The following CASZ1 variants were observed in gnomAD, a reference collection of about 807,000 sequenced individuals.
CASZ1 encodes castor zinc finger 1.
CASZ1 carries 28 observed loss-of-function variants against 135.2 expected under a neutral mutation model. That is an observed-to-expected ratio of 0.21 (90% CI 0.15 to 0.28). CASZ1 has a LOEUF of 0.28. CASZ1 is among the 10% of genes least tolerant of loss of function. The pLI is 1.00. For missense variants in CASZ1, 2,161 were observed against 2,453.3 expected (o/e 0.88, Z 2.52); for synonymous variants, 1,068 against 1,073.4 (o/e 0.99, Z 0.10).
At position 10,709,423 on chromosome 1, in the gene CASZ1, G is replaced by A. The variant is rs1639240848; in HGVS notation, c.-76-3879C>T. ...CATAGACAACAGGGGCAGCGTCATG[G>A]AAACGGGCACTTTCCCGGAGAAATA... On this transcript the variant is annotated intron_variant, in intron 2 of 20. Coordinates refer to ENST00000377022, the MANE Select transcript of CASZ1 (RefSeq NM_001079843.3). This position sits in a 1 kb window ranked among gnomAD's most constrained non-coding sequence, Gnocchi z 5.1. 6.6e-6 allele frequency among the ~76,000 whole-genome samples: 1 copy of A among 152,218 alleles called. No individual in the cohort carries two copies. The highest frequency in any genetic ancestry group is 2.4e-5 in the African/African-American group (1 of 41,450).
intron 4 of CASZ1, among the ~76,000 whole-genome samples, chr1:10,667,527 C>T (rs902327123): frequency 4.6e-5 from 7 of 152,204 alleles, no homozygotes; most frequent in Admixed American, 3.3e-4. Flanking sequence ...CTCCTCTTCA[C>T]AGCATCCCAC....
chr1:10,660,547 G>A lies in CASZ1; in HGVS notation c.506-11C>T. 6.2e-7 allele frequency: 1 copy of A among 1,605,082 alleles called. No homozygotes were observed. Among genetic ancestry groups the A allele is most frequent in the Non-Finnish European group, 8.5e-7 (1 of 1,177,442 alleles). On this transcript the variant is annotated splice_polypyrimidine_tract_variant and intron_variant, in intron 5 of 20. Transcript: ENST00000377022. ...GCGAGGAGGCCTCTCCTGCAGAGGAGGATGGGGGCGCATCACCTCTGGGAG... is the reference window on the plus strand; with the variant it reads ...GCGAGGAGGCCTCTCCTGCAGAGGAAGATGGGGGCGCATCACCTCTGGGAG...
chr1:10,640,226 T>G, intron 20 of CASZ1, 167 bp from the exon 21 acceptor site: 1 of 963,406 alleles, frequency 1.0e-6, no homozygotes, highest in Non-Finnish European at 1.5e-6. Flanking sequence ...GCCCCCTCCC[T>G]ACCCTGGCAC....
At chr1:10,664,608 G>A (rs1297756837) in intron 5 of CASZ1, among the ~76,000 whole-genome samples, 1 of 152,024 alleles carries the variant, frequency 6.6e-6, no homozygotes, top group Non-Finnish European at 1.5e-5. Context: ...AGCTTGTCCT[G>A]GGCTCCTCCG....
At chr1:10,737,636 G>A (rs1639825939) in intron 2 of CASZ1, among the ~76,000 whole-genome samples, 1 of 152,238 alleles carries the variant, frequency 6.6e-6, no homozygotes, top group Non-Finnish European at 1.5e-5. Context: ...TGTAAGGGTT[G>A]GGGTCTGTGG....
At chr1:10,661,162 C>G (rs771779921) in intron 5 of CASZ1, 1 of 154,966 alleles carries the variant, frequency 6.5e-6, no homozygotes, top group Non-Finnish European at 1.4e-5. Context: ...ACAGCTCAGC[C>G]AGGGGCGCAG....
Position 10,751,116 on chromosome 1 carries a change from G to C in CASZ1, c.-77+9585C>G, listed in dbSNP as rs765408733. 1.6e-4 allele frequency among the ~76,000 whole-genome samples: 25 copies of C among 151,788 alleles called. 1 individual carries two copies. Among genetic ancestry groups the C allele is most frequent in the Non-Finnish European group, 3.5e-4 (24 of 67,984 alleles). On this transcript the variant is annotated intron_variant, in intron 2 of 20. Coordinates refer to ENST00000377022, the MANE Select transcript of CASZ1 (RefSeq NM_001079843.3). ...ATTATTATTATTATTGTGACTCTTTGAGTCTGTAAACCTTGTTTCAGATGC... is the reference window on the plus strand; with the variant it reads ...ATTATTATTATTATTGTGACTCTTTCAGTCTGTAAACCTTGTTTCAGATGC...
At position 10,776,845 on chromosome 1, in the gene CASZ1, C is replaced by G. The variant is rs1461537710; in HGVS notation, c.-233-15988G>C. On this transcript the variant is annotated intron_variant, in intron 1 of 20. Transcript: ENST00000377022. This position sits in a 1 kb window ranked among gnomAD's most constrained non-coding sequence, Gnocchi z 4.1. ...CCAGCGATGGAGATGGGGCTAGAAC[C>G]ACCTCACCTTCTCACCATCCAGTGC... 6.6e-6 allele frequency among the ~76,000 whole-genome samples: 1 copy of G among 152,206 alleles called. No individual in the cohort carries two copies. Among genetic ancestry groups the G allele is most frequent in the African/African-American group, 2.4e-5 (1 of 41,448 alleles).
Position 10,643,151 on chromosome 1 carries a change from G to T in CASZ1, c.4020+9C>A. 1 of 1,610,178 alleles carries T rather than the reference G, an allele frequency of 6.2e-7. No individual in the cohort carries two copies. Among genetic ancestry groups the T allele is most frequent in the Non-Finnish European group, 8.5e-7 (1 of 1,179,194 alleles). On this transcript the variant is annotated intron_variant, in intron 19 of 20. Coordinates refer to ENST00000377022, the MANE Select transcript of CASZ1 (RefSeq NM_001079843.3). ...CCTGGCTGGGCTCTCACCTGGGGGG[G>T]GCTCTCACCTGGGAGGGGGGCACGC...
rs923771089 is a variant in CASZ1, at chr1:10,673,048, G to A, written c.17-7477C>T. ...GTGGACGGCGTTGGGGTGCAGTGGC[G>A]AGTGGAGAAAAGAGGGGAAAAGCTC... On this transcript the variant is annotated intron_variant, in intron 4 of 20. Coordinates refer to ENST00000377022, the MANE Select transcript of CASZ1 (RefSeq NM_001079843.3). Among the ~76,000 whole-genome samples, 7 of 152,128 alleles carry A rather than the reference G, an allele frequency of 4.6e-5. No individual in the cohort carries two copies. In the South Asian group the frequency reaches 8.3e-4, roughly 18 times the overall value.
At chr1:10,658,461 T>C in intron 7 of CASZ1, 47 bp downstream of exon 7, 1 of 1,532,230 alleles carries the variant, frequency 6.5e-7, no homozygotes, top group Non-Finnish European at 9.0e-7. Flanking sequence ...CGGTCAGTCC[T>C]GGCCCCCCAC....
intron 3 of CASZ1, among the ~76,000 whole-genome samples, chr1:10,702,273 C>A (rs974051513): frequency 2.0e-5 from 3 of 152,162 alleles, no homozygotes; most frequent in Non-Finnish European, 4.4e-5. Flanking sequence ...TCCCTATGCA[C>A]CTGCACCCTT....
chr1:10,649,072 T>G lies in CASZ1; in HGVS notation c.3156A>C (p.Ala1052=). ...FSTLDGAIKH[A]NFHFRTEGGA... is the part of the protein sequence containing the mutation. ...ATGGCCCCCAGCACCCTACTCACTT[T>G]GCGTGCTTGATGGCCCCGTCCAAGG... The change falls in exon 15 of 21, where the codon GCA becomes GCC. Residue 1052 remains alanine (A), a splice_region_variant and synonymous_variant. Transcript: ENST00000377022. The G allele has an allele frequency of 6.2e-7, 1 of 1,612,924 alleles. No homozygotes were observed. The highest frequency in any genetic ancestry group is 8.5e-7 in the Non-Finnish European group (1 of 1,179,940).
At chr1:10,687,415 C>T (rs148877980) in intron 4 of CASZ1, among the ~76,000 whole-genome samples, 165 of 152,328 alleles carry the variant, frequency 1.1e-3, no homozygotes, top group African/African-American at 3.8e-3. Flanking sequence ...CCCAGAAGGG[C>T]CAGAGGAGAC....
intron 4 of CASZ1, among the ~76,000 whole-genome samples, chr1:10,677,990 G>C (rs550743431): frequency 6.6e-6 from 1 of 152,352 alleles, no homozygotes; most frequent in African/African-American, 2.4e-5. Flanking sequence ...TGGGTAGGAC[G>C]TGTGTGGCAG....
intron 3 of CASZ1, among the ~76,000 whole-genome samples, chr1:10,696,917 G>GA (rs1638946020): frequency 1.3e-5 from 2 of 152,204 alleles, no homozygotes; most frequent in African/African-American, 2.4e-5. Context: ...GTAACTCGGG[G>GA]GGTCTCAGGC....
chr1:10,637,676 A>T lies in CASZ1; in HGVS notation c.*1266T>A, dbSNP rs981245715. 1 of 152,292 alleles carries T rather than the reference A, an allele frequency of 6.6e-6. No individual in the cohort carries two copies. Among genetic ancestry groups the T allele is most frequent in the Non-Finnish European group, 1.5e-5 (1 of 67,968 alleles). 9.4% of individuals were successfully genotyped at this position (152,292 alleles called of 1,614,324 possible). On this transcript the variant is annotated 3_prime_UTR_variant, in exon 21 of 21. Coordinates refer to ENST00000377022, the MANE Select transcript of CASZ1 (RefSeq NM_001079843.3). ...CCCGGGGACCTCAGAGCCACTGGCCAGGTGTGTGCCTGCCAGGTCAGGCCC... is the reference window on the plus strand; with the variant it reads ...CCCGGGGACCTCAGAGCCACTGGCCTGGTGTGTGCCTGCCAGGTCAGGCCC...
chr1:10,660,465 C>A lies in CASZ1; in HGVS notation c.577G>T (p.Asp193Tyr), dbSNP rs1335548220. Residue 193 changes from aspartate (D) to tyrosine (Y), a missense_variant, in exon 6 of 21, where the codon GAC becomes TAC. Asp to Tyr is a radical substitution (Grantham distance 160). This residue lies in a region of CASZ1 where 590 missense variants were observed against 609.8 expected (regional missense o/e 0.97). Transcript: ENST00000377022. Reference sequence around the variant, plus strand: ...GCCAGCTCGTCCCGCGTGTTCTGGTCATCATAGCCAAACATGCCGAGGAAC... The same window carrying A: ...GCCAGCTCGTCCCGCGTGTTCTGGTAATCATAGCCAAACATGCCGAGGAAC... Reference protein sequence around the residue: ...TEFLGMFGYDDQNTRDELARK... With the variant: ...TEFLGMFGYDYQNTRDELARK... 1.2e-6 allele frequency: 2 copies of A among 1,614,156 alleles called. No individual in the cohort carries two copies. Among genetic ancestry groups the A allele is most frequent in the South Asian group, 2.2e-5 (2 of 91,072 alleles).
chr1:10,745,490 G>A (rs925053179), intron 2 of CASZ1, among the ~76,000 whole-genome samples: 1 of 152,230 alleles, frequency 6.6e-6, no homozygotes, highest in Non-Finnish European at 1.5e-5. Flanking sequence ...GGTGTGGGCA[G>A]GGCCGGCTTC....
Sources: allele counts gnomAD v4.1 joint callset (sites outside exome capture counted in the v4.1 genomes callset), GRCh38; gene constraint gnomAD v4.1.1; regional missense constraint gnomAD v4.1.1; non-coding constraint Gnocchi (gnomAD v3.1); transcripts MANE v1.5; gene names NCBI Gene and HGNC (gene_info 2026-07-23, HGNC 2026-07-21).